SPEF2: variants seen among roughly 807,000 people sequenced by gnomAD.
The protein encoded by SPEF2 is sperm flagellar and cilia associated 2, also known as sperm flagella and cilia-associated protein 2.
Under a neutral mutation model 224.6 loss-of-function variants are expected in SPEF2, and 187 were observed. The observed-to-expected ratio is 0.83, with a 90% CI of 0.74 to 0.94. SPEF2 has a LOEUF of 0.94. Ranked by LOEUF, SPEF2 falls within the 40% of genes least tolerant of loss-of-function variation. SPEF2 has a pLI of 0.00. For synonymous variants in SPEF2, 715 were observed against 707.3 expected (o/e 1.01, Z -0.17); for missense variants, 2,170 against 2,135.6 (o/e 1.02, Z -0.32).
intron 19 of SPEF2, chr5:35,710,003 T>A (rs1048026048): frequency 2.0e-6 from 2 of 981,170 alleles, no homozygotes; most frequent in African/African-American, 1.7e-5. Context: ...TTTTTAAAAT[T>A]AAACTTATTC....
intron 16 of SPEF2, among the ~76,000 whole-genome samples, chr5:35,701,800 A>G (rs1405878505): frequency 6.6e-6 from 1 of 152,150 alleles, no homozygotes; most frequent in Non-Finnish European, 1.5e-5. Context: ...GAAACGTGAC[A>G]AGGCCCTGTC....
chr5:35,793,040 T>C, intron 31 of SPEF2, 119 bp from the exon 32 acceptor site: 1 of 831,520 alleles, frequency 1.2e-6, no homozygotes, highest in East Asian at 2.7e-5. Context: ...ACTGATTCTA[T>C]GTGCCAGTGA....
intron 10 of SPEF2, among the ~76,000 whole-genome samples, chr5:35,689,090 TGTTCA>T (rs1561200000): frequency 6.6e-6 from 1 of 152,200 alleles, no homozygotes; most frequent in Non-Finnish European, 1.5e-5. Flanking sequence ...TTTACATTTC[TGTTCA>T]GTTAAGGAAA....
intron 10 of SPEF2, chr5:35,676,116 GA>G: frequency 2.3e-6 from 1 of 428,456 alleles, no homozygotes; most frequent in Non-Finnish European, 4.7e-6. Context: ...AATGGGATGT[GA>G]GAAGGACAAA....
In SPEF2 at chr5:35,753,615, T is replaced by A. The variant is rs1002166036; in HGVS notation, c.3331-9T>A. ...AAGCATAGCCACCATGCCTGTTTTT[T>A]CTGTTCAGGATCTGCGAGACCGCCT... is the stretch of plus-strand genomic sequence containing the variant. On this transcript the variant is annotated splice_polypyrimidine_tract_variant and intron_variant, in intron 23 of 36. Transcript: ENST00000356031. 4 of 1,613,872 alleles carry A rather than the reference T, an allele frequency of 2.5e-6. No homozygotes were observed. In the Admixed American group the frequency reaches 5.0e-5, roughly 20 times the overall value.
intron 1 of SPEF2, among the ~76,000 whole-genome samples, chr5:35,625,842 C>T (rs1580008830): frequency 1.3e-5 from 2 of 152,100 alleles, no homozygotes; most frequent in South Asian, 4.2e-4. Flanking sequence ...TGCAGTGACA[C>T]AGGAGGAGGT....
At chr5:35,784,339 A>G (rs1754789074) in intron 30 of SPEF2, among the ~76,000 whole-genome samples, 1 of 152,138 alleles carries the variant, frequency 6.6e-6, no homozygotes, top group Admixed American at 6.5e-5. Context: ...CATGTTAGCC[A>G]GGATGGCCTC....
chr5:35,719,232 G>T (rs997029527), intron 20 of SPEF2, among the ~76,000 whole-genome samples: 1 of 152,016 alleles, frequency 6.6e-6, no homozygotes, highest in Non-Finnish European at 1.5e-5. Context: ...AAGCAAGCAG[G>T]GTTAGTCTAA....
At chr5:35,738,614 C>T (rs1272119747) in intron 21 of SPEF2, among the ~76,000 whole-genome samples, 12 of 149,502 alleles carry the variant, frequency 8.0e-5, no homozygotes, top group African/African-American at 2.7e-4. Flanking sequence ...TCTTGTCTGC[C>T]GCTAATCTGG....
chr5:35,757,104 A>G (rs1561314973), intron 24 of SPEF2, among the ~76,000 whole-genome samples: 2 of 89,006 alleles, frequency 2.2e-5, no homozygotes, highest in South Asian at 4.4e-4. Flanking sequence ...ACTAGTTATC[A>G]TAACAATTAA....
intron 36 of SPEF2, among the ~76,000 whole-genome samples, chr5:35,813,391 C>T (rs1420055886): frequency 6.6e-6 from 1 of 152,046 alleles, no homozygotes; most frequent in Non-Finnish European, 1.5e-5. Flanking sequence ...ACTTAGAAAA[C>T]TGAGGTGGGA....
At chr5:35,730,426 A>T (rs1055334288) in intron 21 of SPEF2, among the ~76,000 whole-genome samples, 2 of 152,228 alleles carry the variant, frequency 1.3e-5, no homozygotes, top group Non-Finnish European at 2.9e-5. Context: ...ACCAACCTGT[A>T]GCAGCACTCC....
chr5:35,813,022 A>G (rs1758632921), intron 36 of SPEF2, among the ~76,000 whole-genome samples: 1 of 152,238 alleles, frequency 6.6e-6, no homozygotes, highest in African/African-American at 2.4e-5. Flanking sequence ...CCCTGATTTC[A>G]GCTATAAATT....
chr5:35,811,704 A>T (rs1758543504), intron 36 of SPEF2, among the ~76,000 whole-genome samples: 1 of 151,578 alleles, frequency 6.6e-6, no homozygotes, highest in Non-Finnish European at 1.5e-5. Context: ...CACTCAATAT[A>T]TATGAGATAC....
chr5:35,666,932 G>C, intron 8 of SPEF2, 140 bp from the exon 9 acceptor site: 1 of 682,098 alleles, frequency 1.5e-6, no homozygotes, highest in Non-Finnish European at 2.4e-6. Flanking sequence ...TAAGAAAAAA[G>C]TGTTCATTCA....
chr5:35,665,396 A>G (rs1249939480), intron 8 of SPEF2, among the ~76,000 whole-genome samples: 3 of 145,110 alleles, frequency 2.1e-5, no homozygotes, highest in Non-Finnish European at 4.6e-5. Context: ...ATAGAAAAGG[A>G]GAAGGAAGAC....
At chr5:35,647,521 C>G (rs1404192231) in intron 5 of SPEF2, among the ~76,000 whole-genome samples, 2 of 152,110 alleles carry the variant, frequency 1.3e-5, no homozygotes, top group East Asian at 3.9e-4. Flanking sequence ...AGTAAGAACT[C>G]ACTTACCCCC....
At chr5:35,698,491 C>A (rs1755651480) in intron 15 of SPEF2, 1 of 152,176 alleles carries the variant, frequency 6.6e-6, no homozygotes, top group Non-Finnish European at 1.5e-5. Flanking sequence ...CATGTTTCAG[C>A]CATGGGATTC....
chr5:35,775,813 C>T (rs550322976), intron 28 of SPEF2, among the ~76,000 whole-genome samples: 8 of 152,236 alleles, frequency 5.3e-5, no homozygotes, highest in South Asian at 4.1e-4. Flanking sequence ...ATAAAATCCA[C>T]CAACCAGATT....
Sources: gnomAD v4.1 joint callset for allele counts (sites outside exome capture counted in the v4.1 genomes callset) on GRCh38, gnomAD v4.1.1 for gene constraint, MANE v1.5 for transcripts, NCBI Gene and HGNC (gene_info 2026-07-23, HGNC 2026-07-21) for gene names.